Variants in SLC5A4 observed in about 807,000 individuals in gnomAD.
The protein encoded by SLC5A4 is solute carrier family 5 member 4, also known as probable glucose sensor protein SLC5A4.
In SLC5A4, 55 loss-of-function variants were observed where a neutral mutation model predicts 70.3. The ratio of observed to expected loss-of-function variants is 0.78; its 90% CI spans 0.63 to 0.98. The LOEUF is 0.98. SLC5A4 is among the 50% of genes least tolerant of loss of function. SLC5A4 has a pLI of 0.00. For synonymous variants in SLC5A4, 268 were observed against 305.7 expected (o/e 0.88, Z 1.29); for missense variants, 735 against 839.2 (o/e 0.88, Z 1.53).
At chr22:32,242,398 G>A (rs775152431) in intron 5 of SLC5A4, among the ~76,000 whole-genome samples, 10 of 152,066 alleles carry the variant, frequency 6.6e-5, no homozygotes, top group Non-Finnish European at 1.0e-4. Flanking sequence ...ACTCTCACTG[G>A]CCAAATGTGG....
At chr22:32,330,320 G>A in the SLC5A4 span, among the ~76,000 whole-genome samples, 2 of 26,298 alleles carry the variant, frequency 7.6e-5, no homozygotes, top group Non-Finnish European at 1.4e-4. Flanking sequence ...GCTCTGGTGT[G>A]TGTGTTGGGG....
At chr22:32,315,759 T>C in the SLC5A4 span, among the ~76,000 whole-genome samples, 2 of 134,316 alleles carry the variant, frequency 1.5e-5, no homozygotes, top group South Asian at 2.4e-4. Context: ...GCATCTGCCA[T>C]ATCTGTAAAT....
chr22:32,265,335 C>A, the SLC5A4 span, among the ~76,000 whole-genome samples: 1 of 152,112 alleles, frequency 6.6e-6, no homozygotes, highest in Admixed American at 6.5e-5. Flanking sequence ...CTACAGTGAG[C>A]CATAATTGTA....
At chr22:32,300,965 C>T in the SLC5A4 span, among the ~76,000 whole-genome samples, 1 of 152,022 alleles carries the variant, frequency 6.6e-6, no homozygotes, top group Non-Finnish European at 1.5e-5. Flanking sequence ...GTTGCATGTT[C>T]AGGTTTCTTT....
At chr22:32,313,801 T>C in the SLC5A4 span, among the ~76,000 whole-genome samples, 1 of 136,940 alleles carries the variant, frequency 7.3e-6, no homozygotes, top group Admixed American at 7.5e-5. Flanking sequence ...GGGAGTCTAT[T>C]GGGAAGGGGA....
chr22:32,237,353 A>G, intron 6 of SLC5A4, 29 bp from the exon 7 acceptor site: 10 of 1,475,714 alleles, frequency 6.8e-6, no homozygotes, highest in Non-Finnish European at 9.3e-6. Flanking sequence ...GAACCAGGGC[A>G]TTTTATCCAT....
At chr22:32,237,712 G>A (rs893877511) in intron 6 of SLC5A4, among the ~76,000 whole-genome samples, 3 of 152,116 alleles carry the variant, frequency 2.0e-5, no homozygotes, top group African/African-American at 7.2e-5. Flanking sequence ...GTGCTGGAAC[G>A]TATTATTGTT....
intron 2 of SLC5A4, among the ~76,000 whole-genome samples, chr22:32,253,621 C>T: frequency 6.6e-6 from 1 of 152,142 alleles, no homozygotes. Context: ...AGCTGGGGTC[C>T]TTCAGTGCCA....
the SLC5A4 span, among the ~76,000 whole-genome samples, chr22:32,305,274 C>G: frequency 1.3e-5 from 2 of 152,156 alleles, no homozygotes; most frequent in Admixed American, 6.5e-5. Context: ...GCAAGTGTGG[C>G]TGTGTGAAGA....
At chr22:32,340,560 C>T in the SLC5A4 span, among the ~76,000 whole-genome samples, 11 of 152,236 alleles carry the variant, frequency 7.2e-5, 1 homozygote, top group South Asian at 1.5e-3. Flanking sequence ...GGGAGAGTGA[C>T]GGGAGTAGGT....
chr22:32,324,044 T>C, the SLC5A4 span, among the ~76,000 whole-genome samples: 7,636 of 152,194 alleles, frequency 0.05, 357 homozygotes, highest in Admixed American at 0.15. Flanking sequence ...GGTCACTCCC[T>C]GGGGATACAC....
chr22:32,275,153 A>G, the SLC5A4 span, among the ~76,000 whole-genome samples: 1 of 152,256 alleles, frequency 6.6e-6, no homozygotes, highest in African/African-American at 2.4e-5. Context: ...GAGATACAAA[A>G]GAAAAATCGA....
the SLC5A4 span, among the ~76,000 whole-genome samples, chr22:32,352,421 G>A: frequency 6.7e-6 from 1 of 148,978 alleles, no homozygotes; most frequent in Non-Finnish European, 1.5e-5. Flanking sequence ...AAAAAAAAAA[G>A]TCCAAGACTA....
At chr22:32,254,032 T>C (rs1163582981) in intron 2 of SLC5A4, 110 bp downstream of exon 2, 6 of 842,904 alleles carry the variant, frequency 7.1e-6, no homozygotes, top group Admixed American at 5.2e-5. Flanking sequence ...CTGCCAGCCT[T>C]GGCCTCCCAA....
At chr22:32,306,297 CTACTAAAAA>C in the SLC5A4 span, among the ~76,000 whole-genome samples, 1 of 140,086 alleles carries the variant, frequency 7.1e-6, no homozygotes, top group African/African-American at 2.7e-5. Flanking sequence ...AACCCTATCT[CTACTAAAAA>C]TACAAAAAAT....
chr22:32,237,241 T>A lies in SLC5A4; in HGVS notation c.664+3A>T, dbSNP rs1447358868. The A allele has an allele frequency of 1.9e-6, 3 of 1,605,296 alleles. No homozygotes were observed. The highest frequency in any genetic ancestry group is 3.4e-5 in the Admixed American group (2 of 59,298). ...GGGCACTGCACGCAGGGTCATCACTTACCAAACCCCATGAGAATAAAAGAG... is the reference window on the plus strand; with the variant it reads ...GGGCACTGCACGCAGGGTCATCACTAACCAAACCCCATGAGAATAAAAGAG... On this transcript the variant is annotated splice_donor_region_variant and intron_variant, in intron 7 of 14. Coordinates refer to ENST00000266086, the MANE Select transcript of SLC5A4 (RefSeq NM_014227.3).
chr22:32,334,153 C>A, the SLC5A4 span, among the ~76,000 whole-genome samples: 1 of 151,574 alleles, frequency 6.6e-6, no homozygotes, highest in South Asian at 2.1e-4. Context: ...AACACACACA[C>A]CCCATGCCAC....
chr22:32,218,576 CTA>C lies in SLC5A4; in HGVS notation c.1916_1917del (p.Ile639SerfsTer25). 1 of 1,613,966 alleles carries C rather than the reference CTA, an allele frequency of 6.2e-7. No individual in the cohort carries two copies. ...DTSERPSWRTIVNINAILLLA... is the reference protein window; with the variant it reads ...DTSERPSWRTXVNINAILLLA... Reference sequence around the variant, plus strand: ...AGGAGGAGGATGGCGTTGATGTTCACTATTGTCCTCCACGAGGGCCTCTCAGA... The same window carrying C: ...AGGAGGAGGATGGCGTTGATGTTCACTTGTCCTCCACGAGGGCCTCTCAGA... On this transcript the variant is annotated frameshift_variant, in exon 15 of 15. Coordinates refer to ENST00000266086, the MANE Select transcript of SLC5A4 (RefSeq NM_014227.3). LOFTEE classifies it low-confidence loss of function (END_TRUNC).
At chr22:32,254,984 A>T (rs1927392146) in intron 1 of SLC5A4, among the ~76,000 whole-genome samples, 1 of 152,194 alleles carries the variant, frequency 6.6e-6, no homozygotes, top group Non-Finnish European at 1.5e-5. Flanking sequence ...GTAAATCTGA[A>T]GGTCCCGGTG....
Sources: allele counts gnomAD v4.1 joint callset (sites outside exome capture counted in the v4.1 genomes callset), GRCh38; gene constraint gnomAD v4.1.1; transcripts MANE v1.5; gene names NCBI Gene and HGNC (gene_info 2026-07-23, HGNC 2026-07-21).